HERC2: variants seen among roughly 807,000 people sequenced by gnomAD.
HERC2 encodes the protein E3 ubiquitin-protein ligase HERC2.
Under a neutral mutation model 537.7 loss-of-function variants are expected in HERC2, and 102 were observed. The observed-to-expected ratio is 0.19, with a 90% CI of 0.16 to 0.22. The LOEUF (loss-of-function observed/expected upper bound fraction) is 0.22, where lower values mean the gene tolerates loss of function less well. Among genes scored for constraint, HERC2 ranks in the 10% least tolerant of loss-of-function variants. HERC2 has a pLI of 1.00. For missense variants in HERC2, 4,236 were observed against 6,198.2 expected, an observed-to-expected ratio of 0.68 and a Z score of 10.63; for synonymous variants, 2,224 against 2,466.2, an observed-to-expected ratio of 0.90 and a Z score of 2.91.
chr15:28,192,219 T>C, intron 52 of HERC2, 68 bp from the exon 53 acceptor site: 1 of 1,315,840 alleles, frequency 7.6e-7, no homozygotes, highest in Non-Finnish European at 1.1e-6. Context: ...TGATCAAGAA[T>C]ATTACATAGT....
chr15:28,270,605 A>G, intron 10 of HERC2, 90 bp downstream of exon 10: 2 of 1,305,626 alleles, frequency 1.5e-6, no homozygotes, highest in Non-Finnish European at 1.1e-6. Context: ...CAATACCAGA[A>G]AAAGCAAGTC....
At chr15:28,222,264 T>C (rs1900598845) in intron 35 of HERC2, 49 bp from the exon 36 acceptor site, 2 of 955,612 alleles carry the variant, frequency 2.1e-6, no homozygotes, top group East Asian at 4.7e-5. Context: ...AGCTACAGTG[T>C]CCCCTTAATA....
Position 28,268,501 on chromosome 15 carries a change from C to A in HERC2, c.1562G>T (p.Cys521Phe). 3 of 1,614,114 alleles carry A rather than the reference C, an allele frequency of 1.9e-6. No homozygotes were observed. The highest frequency in any genetic ancestry group is 2.5e-6 in the Non-Finnish European group (3 of 1,179,986). Residue 521 changes from cysteine to phenylalanine, a missense_variant, in exon 12 of 93, where the codon TGT becomes TTT. Physicochemically the swap from Cys to Phe is radical, Grantham distance 205 (BLOSUM62 -2). Coordinates refer to ENST00000261609, the MANE Select transcript of HERC2 (RefSeq NM_004667.6). The surrounding 1 kb of genome is among the most constrained non-coding windows in gnomAD (Gnocchi z 4.7). Reference protein sequence around the residue: ...AATGEVYSWGCGDGGRLGHGD... With the variant: ...AATGEVYSWGFGDGGRLGHGD... ...ATGGCCCAGCCGTCCGCCGTCCCCA[C>A]AGCCCCAGGAGTACACCTCTCCAGT... is the stretch of plus-strand genomic sequence containing the variant.
intron 1 of HERC2, among the ~76,000 whole-genome samples, 183 bp downstream of exon 1, chr15:28,321,892 C>A (rs1396310586): frequency 3.5e-5 from 5 of 144,856 alleles, no homozygotes; most frequent in African/African-American, 1.4e-4. Flanking sequence ...GGATCGCCTG[C>A]AGAAAAACCC....
intron 39 of HERC2, among the ~76,000 whole-genome samples, 199 bp downstream of exon 39, chr15:28,215,422 G>A (rs1899787829): frequency 6.6e-6 from 1 of 152,144 alleles, no homozygotes; most frequent in Non-Finnish European, 1.5e-5. Context: ...TACCACTTAA[G>A]AGAAAAGCAG....
At chr15:28,190,818 T>G (rs1896789572) in intron 55 of HERC2, 147 bp downstream of exon 55, 3 of 635,284 alleles carry the variant, frequency 4.7e-6, no homozygotes, top group Admixed American at 2.9e-5. Context: ...AAATAAGTTG[T>G]ATCTTTTAAA....
Position 28,268,327 on chromosome 15 carries a change from C to G in HERC2, c.1598+138G>C. ...AGCCATCACCAAGGAGGAGGCATAT[C>G]GTAGTGTCCTGCTCCATCCCAGCGC... On this transcript the variant is annotated intron_variant, in intron 12 of 92. Transcript: ENST00000261609. The surrounding 1 kb of genome is among the most constrained non-coding windows in gnomAD (Gnocchi z 4.7). 1.5e-6 allele frequency: 1 copy of G among 674,290 alleles called. No homozygotes were observed. Among genetic ancestry groups the G allele is most frequent in the Non-Finnish European group, 2.4e-6 (1 of 417,402 alleles). 41.8% of individuals were successfully genotyped at this position (674,290 alleles called of 1,614,324 possible). A position where few individuals can be genotyped will look rare whatever the true frequency, so the allele number is the denominator to read the frequency against.
chr15:28,179,559 G>C (rs908934673), intron 57 of HERC2, among the ~76,000 whole-genome samples: 2 of 152,166 alleles, frequency 1.3e-5, no homozygotes, highest in African/African-American at 4.8e-5. Context: ...CTGCTACTGG[G>C]CTATATATTC....
At chr15:28,262,783 C>G in intron 15 of HERC2, 135 bp downstream of exon 15, 1 of 896,822 alleles carries the variant, frequency 1.1e-6, no homozygotes, top group Non-Finnish European at 1.7e-6. Flanking sequence ...ACAGTCCATT[C>G]ATGGAATGTC....
chr15:28,210,380 C>A (rs1411076413), intron 44 of HERC2, among the ~76,000 whole-genome samples: 1 of 152,226 alleles, frequency 6.6e-6, no homozygotes, highest in Non-Finnish European at 1.5e-5. Context: ...TGATCCGCCG[C>A]CCGCCTCGGC....
chr15:28,246,958 T>C, intron 21 of HERC2, 61 bp from the exon 22 acceptor site: 2 of 1,412,604 alleles, frequency 1.4e-6, no homozygotes, highest in Non-Finnish European at 2.0e-6. Context: ...GTAAACAAAC[T>C]AACTGCTCCA....
Position 28,196,591 on chromosome 15 carries a change from C to T in HERC2, c.8012-22G>A, listed in dbSNP as rs763914128. 4.4e-6 allele frequency: 6 copies of T among 1,370,942 alleles called. No individual in the cohort carries two copies. In the Admixed American group the frequency reaches 1.0e-4, roughly 24 times the overall value. 84.9% of individuals were successfully genotyped at this position (1,370,942 alleles called of 1,614,324 possible). On this transcript the variant is annotated intron_variant, in intron 50 of 92. Coordinates refer to ENST00000261609, the MANE Select transcript of HERC2 (RefSeq NM_004667.6). ...AAAGCTAGGACAGAACAGAAATCAC[C>T]TGATCCATCTTCCTCTTCACCAATA...
At chr15:28,320,854 C>T (rs2077210385) in intron 2 of HERC2, among the ~76,000 whole-genome samples, 4 of 151,964 alleles carry the variant, frequency 2.6e-5, no homozygotes, top group Admixed American at 2.0e-4. Context: ...ATGTGAAAAT[C>T]TGAGCACTCC....
Position 28,113,126 on chromosome 15 carries a change from C to T in HERC2, c.14177G>A (p.Arg4726Gln), listed in dbSNP as rs761534722. ...GGCGATGGTCCTGGGCAGCCTCGTCCGGCCCCAGACGAAGCGAAGGAAAAG... is the reference window on the plus strand; with the variant it reads ...GGCGATGGTCCTGGGCAGCCTCGTCTGGCCCCAGACGAAGCGAAGGAAAAG... ...RSLFLRFVWG[R>Q]TRLPRTIADF... The change falls in exon 92 of 93, where the codon CGG (arginine) becomes CAG (glutamine). Residue 4726 changes from arginine (R) to glutamine (Q), a missense_variant. Transcript: ENST00000261609. This position sits in a 1 kb window ranked among gnomAD's most constrained non-coding sequence, Gnocchi z 7.0. 2 of 1,613,898 alleles carry T rather than the reference C, an allele frequency of 1.2e-6. No homozygotes were observed. The highest frequency in any genetic ancestry group is 1.7e-6 in the Non-Finnish European group (2 of 1,180,022).
intron 92 of HERC2, among the ~76,000 whole-genome samples, chr15:28,112,477 G>T (rs1887753760): frequency 6.6e-6 from 1 of 152,204 alleles, no homozygotes; most frequent in Non-Finnish European, 1.5e-5. Flanking sequence ...TCTCCAAGGT[G>T]ACCCTGAAAG....
At chr15:28,172,106 G>C (rs924669155) in intron 65 of HERC2, among the ~76,000 whole-genome samples, 13 of 151,688 alleles carry the variant, frequency 8.6e-5, no homozygotes, top group Non-Finnish European at 1.5e-5. Context: ...ACAATACTGG[G>C]ACTAGAAAAC....
intron 67 of HERC2, among the ~76,000 whole-genome samples, chr15:28,168,087 C>G (rs1161961000): frequency 1.3e-5 from 2 of 152,182 alleles, no homozygotes; most frequent in African/African-American, 4.8e-5. Flanking sequence ...ATGAACCAGA[C>G]TAAAATGAGT....
intron 2 of HERC2, among the ~76,000 whole-genome samples, chr15:28,306,944 C>T (rs530331894): frequency 3.3e-5 from 5 of 152,336 alleles, no homozygotes; most frequent in East Asian, 1.9e-4. Context: ...AAGTGATTCT[C>T]GTGCCTCAGC....
At chr15:28,214,923 A>G in intron 39 of HERC2, 121 bp from the exon 40 acceptor site, 1 of 769,688 alleles carries the variant, frequency 1.3e-6, no homozygotes, top group South Asian at 1.9e-5. Flanking sequence ...CCCGGGCTGG[A>G]GTGCAGTGGC....
Sources: allele counts gnomAD v4.1 joint callset (sites outside exome capture counted in the v4.1 genomes callset), GRCh38; gene constraint gnomAD v4.1.1; non-coding constraint Gnocchi (gnomAD v3.1); transcripts MANE v1.5; gene names NCBI Gene and HGNC (gene_info 2026-07-23, HGNC 2026-07-21).